The following TBL1XR1 variants were observed in gnomAD, a reference collection of about 807,000 sequenced individuals.
TBL1XR1 encodes the protein F-box-like/WD repeat-containing protein TBL1XR1.
Under a neutral mutation model 66.9 loss-of-function variants are expected in TBL1XR1, and 5 were observed. The observed-to-expected ratio is 0.07, with a 90% CI of 0.04 to 0.16. The LOEUF is 0.16. TBL1XR1 is among the 10% of genes least tolerant of loss of function. The pLI, the probability that TBL1XR1 is intolerant of heterozygous loss-of-function variation, is 1.00. For missense variants in TBL1XR1, 238 were observed against 623.2 expected (o/e 0.38, Z 6.58); for synonymous variants, 210 against 206.0 (o/e 1.02, Z -0.17).
At chr3:177,098,602 T>C (rs1039010581) in intron 1 of TBL1XR1, 61 bp from the exon 2 acceptor site, 2 of 851,600 alleles carry the variant, frequency 2.3e-6, no homozygotes, top group African/African-American at 1.8e-5. Context: ...TTAAAAGATT[T>C]TCCATACCAA....
At chr3:177,090,736 T>C (rs1192601612) in intron 2 of TBL1XR1, among the ~76,000 whole-genome samples, 2 of 151,944 alleles carry the variant, frequency 1.3e-5, no homozygotes, top group African/African-American at 2.4e-5. Context: ...ACTTGAAGAA[T>C]TGAGGCGGAG....
At position 177,131,375 on chromosome 3, in the gene TBL1XR1, T is replaced by G. The variant is rs150867294; in HGVS notation, c.-121-32834A>C. On this transcript the variant is annotated intron_variant, in intron 1 of 15. Coordinates refer to ENST00000457928, the MANE Select transcript of TBL1XR1 (RefSeq NM_024665.7). ...GAATCACACTCACTTTTACACCCATTCCTTAACACTCACTGCCTCCTGAGC... is the reference window on the plus strand; with the variant it reads ...GAATCACACTCACTTTTACACCCATGCCTTAACACTCACTGCCTCCTGAGC... The G allele has an allele frequency of 2.9e-5, 29 of 985,370 alleles. No individual in the cohort carries two copies. The African/African-American group carries it at 4.2e-4, about 14-fold the overall frequency. The allele number at this position is 985,370 out of a possible 1,614,324, so 61.0% of individuals were successfully genotyped here.
rs201665966 is a variant in TBL1XR1, at chr3:177,180,378, C to G, written c.-122+16743G>C. ...AGCCCATAAATACGTTCATTCCCCC[C>G]CCCCCCATTTAATAGTACCTTGTCT... On this transcript the variant is annotated intron_variant, in intron 1 of 15. Transcript: ENST00000457928. 0.05 allele frequency among the ~76,000 whole-genome samples: 7,182 copies of G among 144,742 alleles called. 834 individuals are homozygous for G. In the East Asian group the frequency reaches 0.51, roughly 10 times the overall value. 95.0% of individuals were successfully genotyped at this position (144,742 alleles called of 152,430 possible).
chr3:177,030,041 G>A (rs899024210), intron 14 of TBL1XR1, among the ~76,000 whole-genome samples: 3 of 151,906 alleles, frequency 2.0e-5, no homozygotes, highest in Admixed American at 1.3e-4. Flanking sequence ...GCACAAGCAC[G>A]TAAATATACC....
chr3:177,167,333 G>C (rs1249214991), intron 1 of TBL1XR1, among the ~76,000 whole-genome samples: 1 of 152,174 alleles, frequency 6.6e-6, no homozygotes, highest in Non-Finnish European at 1.5e-5. Flanking sequence ...AGGAAGTGGG[G>C]GAAGGGATGA....
chr3:177,022,313 A>T lies in TBL1XR1; in HGVS notation c.*3185T>A, dbSNP rs1438319030. On this transcript the variant is annotated 3_prime_UTR_variant, in exon 16 of 16. Transcript: ENST00000457928. The stretch of plus-strand genomic sequence containing the variant: ...TCTGTAAAAGGTATTTAATCCTAAA[A>T]CATACTTACCTAGAGAATAATTAAA... The T allele has an allele frequency of 6.6e-6, 1 of 152,534 alleles. No individual in the cohort carries two copies. Among genetic ancestry groups the T allele is most frequent in the Non-Finnish European group, 1.5e-5 (1 of 67,956 alleles). 9.4% of individuals were successfully genotyped at this position (152,534 alleles called of 1,614,324 possible).
At chr3:177,187,327 A>T (rs892742138) in intron 1 of TBL1XR1, among the ~76,000 whole-genome samples, 1 of 151,068 alleles carries the variant, frequency 6.6e-6, no homozygotes, top group African/African-American at 2.4e-5. Flanking sequence ...CCCGGGAGGC[A>T]GAGGTTGCAG....
At chr3:177,159,308 T>C (rs1187984493) in intron 1 of TBL1XR1, among the ~76,000 whole-genome samples, 2 of 152,154 alleles carry the variant, frequency 1.3e-5, no homozygotes, top group East Asian at 3.8e-4. Flanking sequence ...AAAGATTACC[T>C]TAAAAATGGT....
At chr3:177,112,108 T>TATATATATATATATATA (rs1553846589) in intron 1 of TBL1XR1, among the ~76,000 whole-genome samples, 39 of 35,638 alleles carry the variant, frequency 1.1e-3, no homozygotes, top group African/African-American at 1.5e-3. Context: ...TATATATATA[T>TATATATATATATATATA]TTTTTTTTTT....
At position 177,097,977 on chromosome 3, in the gene TBL1XR1, T is replaced by A. The variant is rs149791581; in HGVS notation, c.-46+489A>T. ...ATCCCAGCACTTTGGGAAGCTCAGG[T>A]GGGCGGATCACCTGCGGTCAGGGGT... is the stretch of plus-strand genomic sequence containing the variant. On this transcript the variant is annotated intron_variant, in intron 2 of 15. Transcript: ENST00000457928. Among the ~76,000 whole-genome samples, 297 of 152,144 alleles carry A rather than the reference T, an allele frequency of 2.0e-3. 5 individuals are homozygous for A. Among genetic ancestry groups the A allele is most frequent in the African/African-American group, 6.9e-3 (286 of 41,516 alleles).
intron 1 of TBL1XR1, among the ~76,000 whole-genome samples, chr3:177,141,467 A>C (rs921825279): frequency 2.0e-5 from 3 of 147,268 alleles, no homozygotes; most frequent in African/African-American, 8.0e-5. Context: ...ATATGATCTC[A>C]AGTGTTATTA....
intron 1 of TBL1XR1, among the ~76,000 whole-genome samples, chr3:177,101,843 T>G (rs1724259478): frequency 6.6e-6 from 1 of 152,202 alleles, no homozygotes; most frequent in African/African-American, 2.4e-5. Context: ...CACCGGTGCT[T>G]TGCGGAACCT....
rs549529245 is a variant in TBL1XR1 at position 177,158,792 on chromosome 3, C to T, written c.-122+38329G>A. 4.2e-4 allele frequency among the ~76,000 whole-genome samples: 64 copies of T among 152,158 alleles called. 1 individual carries two copies. The highest frequency in any genetic ancestry group is 4.6e-4 in the Admixed American group (7 of 15,278). On this transcript the variant is annotated intron_variant, in intron 1 of 15. Transcript: ENST00000457928. ...AGAAAATTGGACACTACTAACAGCC[C>T]TAAGGCTATATAAACCCAAGAAATT... is the stretch of plus-strand genomic sequence containing the variant.
At chr3:177,101,432 G>GC (rs1192140026) in intron 1 of TBL1XR1, among the ~76,000 whole-genome samples, 1 of 152,130 alleles carries the variant, frequency 6.6e-6, no homozygotes, top group African/African-American at 2.4e-5. Flanking sequence ...TTCATGTGTT[G>GC]GAGACTTAAT....
intron 3 of TBL1XR1, among the ~76,000 whole-genome samples, chr3:177,056,736 G>A (rs1717848097): frequency 7.0e-6 from 1 of 143,202 alleles, no homozygotes; most frequent in South Asian, 2.4e-4. Flanking sequence ...GAAAGTCATA[G>A]TCATCCTAAC....
At chr3:177,060,896 C>T (rs1383713617) in intron 3 of TBL1XR1, among the ~76,000 whole-genome samples, 3 of 152,178 alleles carry the variant, frequency 2.0e-5, no homozygotes, top group African/African-American at 7.2e-5. Context: ...TCAAGTTAAT[C>T]GTTACTTACA....
Position 177,085,309 on chromosome 3 carries a change from T to C in TBL1XR1, c.-46+13157A>G, listed in dbSNP as rs539210365. Among the ~76,000 whole-genome samples the C allele has an allele frequency of 1.2e-4, 19 of 152,314 alleles. No homozygotes were observed. In the South Asian group the frequency reaches 3.7e-3, roughly 30 times the overall value. On this transcript the variant is annotated intron_variant, in intron 2 of 15. Transcript: ENST00000457928. ...GAGGCTCAATCAGGAAGCAGACTCA[T>C]AGTAGCTTAGCAAAGACTTTGAAAA...
intron 14 of TBL1XR1, among the ~76,000 whole-genome samples, chr3:177,031,359 G>C (rs1713976462): frequency 6.7e-6 from 1 of 150,152 alleles, no homozygotes; most frequent in Admixed American, 6.6e-5. Context: ...TTTTGAGACA[G>C]GGTCTCACTC....
chr3:177,172,639 GAGAGAGAGAA>G (rs1295316714), intron 1 of TBL1XR1, among the ~76,000 whole-genome samples: 26 of 127,764 alleles, frequency 2.0e-4, no homozygotes, highest in African/African-American at 7.1e-4. Flanking sequence ...AGAGAAGAGA[GAGAGAGAGAA>G]AGAGAGAGAG....
Sources: allele counts gnomAD v4.1 joint callset (sites outside exome capture counted in the v4.1 genomes callset), GRCh38; gene constraint gnomAD v4.1.1; transcripts MANE v1.5; gene names NCBI Gene and HGNC (gene_info 2026-07-23, HGNC 2026-07-21).